The following CCDC93 variants were observed in gnomAD, a reference collection of about 807,000 sequenced individuals.
The protein encoded by CCDC93 is CCC complex scaffolding subunit CCDC93.
In CCDC93, 61 loss-of-function variants were observed where a neutral mutation model predicts 108.2. The observed-to-expected ratio is 0.56, with a 90% confidence interval of 0.46 to 0.70. CCDC93 has a LOEUF of 0.70. CCDC93 is among the 30% of genes least tolerant of loss of function. The probability of loss-of-function intolerance (pLI) is 0.00; values close to 1 mark genes in which losing one functional copy is unlikely to be tolerated. For missense variants in CCDC93, 685 were observed against 764.2 expected, an observed-to-expected ratio of 0.90 and a Z score of 1.22; for synonymous variants, 276 against 260.4, an observed-to-expected ratio of 1.06 and a Z score of -0.58.
rs1004098758 is a variant in CCDC93 at position 117,918,026 on chromosome 2, A to C, written c.*2317T>G. ...CCGGAGAAGCCTGTGGGCTTAGAGC[A>C]CAATTCCATACTATGTCTGTCTAAG... is the stretch of plus-strand genomic sequence containing the variant. On this transcript the variant is annotated 3_prime_UTR_variant, in exon 24 of 24. Coordinates refer to ENST00000376300, the MANE Select transcript of CCDC93 (RefSeq NM_019044.5). 2 of 134,318 alleles carry C rather than the reference A, an allele frequency of 1.5e-5. No individual in the cohort carries two copies. Among genetic ancestry groups the C allele is most frequent in the Non-Finnish European group, 3.2e-5 (2 of 61,952 alleles). 8.3% of individuals were successfully genotyped at this position (134,318 alleles called of 1,614,324 possible). A position where few individuals can be genotyped will look rare whatever the true frequency, so the allele number is the denominator to read the frequency against.
chr2:117,966,035 G>A (rs756333571), intron 11 of CCDC93, among the ~76,000 whole-genome samples: 3 of 152,206 alleles, frequency 2.0e-5, no homozygotes, highest in East Asian at 3.8e-4. Context: ...GAGGACAAAC[G>A]ATATATTAAC....
intron 1 of CCDC93, among the ~76,000 whole-genome samples, chr2:118,013,466 C>T (rs1269265155): frequency 6.6e-6 from 1 of 151,984 alleles, no homozygotes; most frequent in Admixed American, 6.5e-5. Context: ...CTCCCGACAG[C>T]AAGGCGGGTG....
At chr2:117,923,502 G>A (rs1052767262) in intron 23 of CCDC93, among the ~76,000 whole-genome samples, 4 of 152,200 alleles carry the variant, frequency 2.6e-5, no homozygotes, top group African/African-American at 9.7e-5. Flanking sequence ...CTACGCCCAT[G>A]GAGCTTCACT....
chr2:117,922,206 CT>C (rs1459906216), intron 23 of CCDC93, among the ~76,000 whole-genome samples: 1 of 152,162 alleles, frequency 6.6e-6, no homozygotes, highest in Non-Finnish European at 1.5e-5. Context: ...CCGTGGGGAA[CT>C]GTGTGTGTCA....
chr2:117,979,594 C>T (rs1381275884), intron 7 of CCDC93, among the ~76,000 whole-genome samples: 3 of 152,232 alleles, frequency 2.0e-5, no homozygotes, highest in Admixed American at 2.0e-4. Context: ...TGAAAAAATG[C>T]AAAAATCAAG....
At chr2:117,942,372 G>A (rs765500521) in intron 18 of CCDC93, among the ~76,000 whole-genome samples, 10 of 152,114 alleles carry the variant, frequency 6.6e-5, no homozygotes, top group Non-Finnish European at 1.0e-4. Context: ...CCCTTTTACA[G>A]GGAAGAGAAA....
At chr2:117,968,815 T>C (rs1338514945) in intron 11 of CCDC93, among the ~76,000 whole-genome samples, 1 of 152,148 alleles carries the variant, frequency 6.6e-6, no homozygotes, top group Non-Finnish European at 1.5e-5. Flanking sequence ...AAAATCCTGA[T>C]CTCAGCCTAA....
chr2:117,949,254 T>C lies in CCDC93; in HGVS notation c.1142+68A>G, dbSNP rs1678973098. ...TGCTTTGTTCTGTGTTTAAACAAAT[T>C]AAGCCAACAAGTATCAGCAAAGTCA... On this transcript the variant is annotated intron_variant, in intron 14 of 23. Transcript: ENST00000376300. 3 of 1,076,842 alleles carry C rather than the reference T, an allele frequency of 2.8e-6. No individual in the cohort carries two copies. The South Asian group carries it at 3.8e-5, about 14-fold the overall frequency. The allele number at this position is 1,076,842 out of a possible 1,614,324, so 66.7% of individuals were successfully genotyped here. A position where few individuals can be genotyped will look rare whatever the true frequency, so the allele number is the denominator to read the frequency against.
chr2:117,926,784 C>G (rs1678122396), intron 23 of CCDC93, among the ~76,000 whole-genome samples: 2 of 152,104 alleles, frequency 1.3e-5, no homozygotes, highest in South Asian at 4.1e-4. Context: ...CCAGCATCAT[C>G]CTGATACCAA....
chr2:117,921,141 C>T (rs1206083927), intron 23 of CCDC93, among the ~76,000 whole-genome samples: 1 of 146,962 alleles, frequency 6.8e-6, no homozygotes, highest in Non-Finnish European at 1.5e-5. Context: ...TGTGCCACTG[C>T]ACTCCAGCCT....
intron 1 of CCDC93, among the ~76,000 whole-genome samples, chr2:118,012,146 C>T (rs969807639): frequency 7.2e-5 from 11 of 152,156 alleles, no homozygotes; most frequent in African/African-American, 2.7e-4. Flanking sequence ...CAGTGGCTCA[C>T]ATCTGCAATC....
In CCDC93 at chr2:118,008,436, C is replaced by A. The variant is rs1477614815; in HGVS notation, c.156+109G>T. 1.3e-5 allele frequency: 9 copies of A among 686,624 alleles called. No homozygotes were observed. The Admixed American group carries it at 2.4e-4, about 18-fold the overall frequency. 42.5% of individuals were successfully genotyped at this position (686,624 alleles called of 1,614,324 possible). On this transcript the variant is annotated intron_variant, in intron 2 of 23. Transcript: ENST00000376300. ...AATCTGAATTAGGAAGAAATGGAAA[C>A]ACAGACATGGAAGAAGTTAAAACAT...
chr2:117,993,264 C>T (rs544900064), intron 6 of CCDC93, among the ~76,000 whole-genome samples: 119 of 151,918 alleles, frequency 7.8e-4, no homozygotes, highest in African/African-American at 2.0e-3. Context: ...GGTCTGGTGG[C>T]GGGCGCCTGT....
intron 23 of CCDC93, among the ~76,000 whole-genome samples, chr2:117,927,685 C>T (rs1678168851): frequency 6.6e-6 from 1 of 152,064 alleles, no homozygotes; most frequent in Non-Finnish European, 1.5e-5. Context: ...CCATACTGCC[C>T]AAGGTAATTT....
At position 117,919,687 on chromosome 2, in the gene CCDC93, AAAC is replaced by A. The variant is rs1445298636; in HGVS notation, c.*653_*655del. 6.6e-6 allele frequency: 1 copy of A among 152,182 alleles called. No individual in the cohort carries two copies. The highest frequency in any genetic ancestry group is 1.9e-4 in the East Asian group (1 of 5,196). 9.4% of individuals were successfully genotyped at this position (152,182 alleles called of 1,614,324 possible). On this transcript the variant is annotated 3_prime_UTR_variant, in exon 24 of 24. Transcript: ENST00000376300. ...CAACTTGAGTAACGTATAAAAATTA[AAAC>A]AACACTGAACTTTCGTTCCAGTTGC... is the stretch of plus-strand genomic sequence containing the variant.
intron 7 of CCDC93, among the ~76,000 whole-genome samples, chr2:117,984,676 A>G (rs1293369773): frequency 6.6e-6 from 1 of 152,062 alleles, no homozygotes; most frequent in Non-Finnish European, 1.5e-5. Context: ...AATAATACAA[A>G]CTCACAAAAT....
chr2:117,949,432 T>C, intron 13 of CCDC93, 37 bp from the exon 14 acceptor site: 1 of 1,477,986 alleles, frequency 6.8e-7, no homozygotes, highest in Non-Finnish European at 9.5e-7. Context: ...GCTGGAGCCT[T>C]GGTAGCAGAG....
chr2:118,008,143 C>A lies in CCDC93; in HGVS notation c.156+402G>T, dbSNP rs184963368. On this transcript the variant is annotated intron_variant, in intron 2 of 23. Transcript: ENST00000376300. ...GATTTCATTGCATAGCGATCTCTCT[C>A]TCATCCTAAATCAGAGCATTTACTA... Among the ~76,000 whole-genome samples the A allele has an allele frequency of 1.8e-4, 28 of 152,342 alleles. No individual in the cohort carries two copies. The East Asian group carries it at 4.8e-3, about 26-fold the overall frequency.
intron 11 of CCDC93, 90 bp downstream of exon 11, chr2:117,973,814 ACGGG>A: frequency 1.1e-6 from 1 of 917,330 alleles, no homozygotes; most frequent in Admixed American, 2.0e-5. Flanking sequence ...ACAAGAGAAC[ACGGG>A]GCACTGCTGG....
Sources: gnomAD v4.1 joint callset for allele counts (sites outside exome capture counted in the v4.1 genomes callset) on GRCh38, gnomAD v4.1.1 for gene constraint, MANE v1.5 for transcripts, NCBI Gene and HGNC (gene_info 2026-07-23, HGNC 2026-07-21) for gene names.